ANO10: variants seen among roughly 807,000 people sequenced by gnomAD.
ANO10 encodes the protein anoctamin 10.
In ANO10, 77 loss-of-function variants were observed where a neutral mutation model predicts 74.7. The ratio of observed to expected loss-of-function variants is 1.03; its 90% CI spans 0.86 to 1.25. The LOEUF (loss-of-function observed/expected upper bound fraction) is 1.25, where lower values mean the gene tolerates loss of function less well. Among genes scored for constraint, ANO10 ranks in the 50% most tolerant of loss-of-function variants. ANO10 has a pLI of 0.00. For missense variants in ANO10, 721 were observed against 778.1 expected, an observed-to-expected ratio of 0.93 and a Z score of 0.87; for synonymous variants, 279 against 284.9, an observed-to-expected ratio of 0.98 and a Z score of 0.21.
intron 12 of ANO10, among the ~76,000 whole-genome samples, chr3:43,408,717 T>C (rs1225931308): frequency 6.6e-6 from 1 of 152,274 alleles, no homozygotes; most frequent in South Asian, 2.1e-4. Flanking sequence ...GATTCGAGGA[T>C]AGAACACTAC....
rs2076226812 is a variant in ANO10 at position 43,480,531 on chromosome 3, C to T, written c.1798-47804G>A. Among the ~76,000 whole-genome samples the T allele has an allele frequency of 2.0e-5, 3 of 152,156 alleles. No individual in the cohort carries two copies. The South Asian group carries it at 6.2e-4, about 32-fold the overall frequency. ...GTTAGAGGCAATGGGTAATGTCTTC[C>T]AAATTTGGAGGGCAGATGGGCATAA... On this transcript the variant is annotated intron_variant, in intron 11 of 12. Coordinates refer to ENST00000292246, the MANE Select transcript of ANO10 (RefSeq NM_018075.5).
At chr3:43,417,656 T>C (rs1454093230) in intron 12 of ANO10, among the ~76,000 whole-genome samples, 1 of 152,218 alleles carries the variant, frequency 6.6e-6, no homozygotes, top group African/African-American at 2.4e-5. Flanking sequence ...CCACACAATG[T>C]AGCTGCTTCA....
chr3:43,391,600 G>A (rs2092276265), intron 12 of ANO10, among the ~76,000 whole-genome samples: 1 of 152,196 alleles, frequency 6.6e-6, no homozygotes, highest in Non-Finnish European at 1.5e-5. Flanking sequence ...AAAAGCGACA[G>A]GCTCACTTCT....
rs147278198 is a variant in ANO10 at position 43,475,313 on chromosome 3, C to G, written c.1798-42586G>C. ...AAGAACCTGTGAATTTTTTTTCTTA[C>G]AGTTTCTCTCTTTGGTGTCATTCTT... On this transcript the variant is annotated intron_variant, in intron 11 of 12. Coordinates refer to ENST00000292246, the MANE Select transcript of ANO10 (RefSeq NM_018075.5). Among the ~76,000 whole-genome samples, 121 of 152,236 alleles carry G rather than the reference C, an allele frequency of 7.9e-4. 1 individual carries two copies. The highest frequency in any genetic ancestry group is 2.2e-3 in the African/African-American group (93 of 41,546).
intron 12 of ANO10, among the ~76,000 whole-genome samples, chr3:43,399,237 T>C (rs1178637738): frequency 2.0e-5 from 3 of 152,264 alleles, no homozygotes; most frequent in Non-Finnish European, 4.4e-5. Context: ...TTATACAGCC[T>C]TGCCCATTCT....
At chr3:43,594,645 C>G (rs1250609236) in intron 4 of ANO10, among the ~76,000 whole-genome samples, 1 of 152,082 alleles carries the variant, frequency 6.6e-6, no homozygotes, top group African/African-American at 2.4e-5. Flanking sequence ...ACTAAATGCC[C>G]ACAAGAGAAA....
chr3:43,440,309 G>A (rs899972566), intron 11 of ANO10, among the ~76,000 whole-genome samples: 2 of 152,014 alleles, frequency 1.3e-5, no homozygotes, highest in African/African-American at 4.8e-5. Context: ...ACCTGCAGAT[G>A]TAAAGACATA....
intron 12 of ANO10, among the ~76,000 whole-genome samples, chr3:43,426,775 G>T (rs1017967294): frequency 1.3e-5 from 2 of 152,184 alleles, no homozygotes; most frequent in African/African-American, 4.8e-5. Context: ...ACAATTCTTT[G>T]TAAAGGTTTC....
chr3:43,483,292 T>A (rs1007260921), intron 11 of ANO10, among the ~76,000 whole-genome samples: 3 of 152,256 alleles, frequency 2.0e-5, no homozygotes, highest in African/African-American at 7.2e-5. Flanking sequence ...ATAAGTTTAG[T>A]AATGGGACAT....
intron 11 of ANO10, among the ~76,000 whole-genome samples, chr3:43,508,449 T>A (rs1438029427): frequency 1.3e-5 from 2 of 152,194 alleles, no homozygotes; most frequent in Non-Finnish European, 1.5e-5. Context: ...ACTGGGCATA[T>A]ACCCAAAGGA....
chr3:43,530,230 C>T (rs1032857095), intron 11 of ANO10, among the ~76,000 whole-genome samples: 1 of 151,932 alleles, frequency 6.6e-6, no homozygotes, highest in Admixed American at 6.6e-5. Context: ...CACCAAATAA[C>T]ACAGTAACTA....
chr3:43,544,418 T>C (rs930314444), intron 11 of ANO10, among the ~76,000 whole-genome samples: 2 of 151,832 alleles, frequency 1.3e-5, no homozygotes, highest in Admixed American at 6.6e-5. Context: ...TTGTGACAAA[T>C]GACACAGTTC....
intron 4 of ANO10, among the ~76,000 whole-genome samples, chr3:43,580,839 T>C (rs1368765274): frequency 1.3e-5 from 2 of 152,180 alleles, no homozygotes; most frequent in Non-Finnish European, 2.9e-5. Context: ...AAAATCATTT[T>C]ATACACACTA....
chr3:43,598,560 C>T lies in ANO10; in HGVS notation c.444G>A (p.Gln148=). 1 of 1,613,098 alleles carries T rather than the reference C, an allele frequency of 6.2e-7. No homozygotes were observed. Among genetic ancestry groups the T allele is most frequent in the African/African-American group, 1.3e-5 (1 of 75,002 alleles). ...KDEKMIPGYP[Q]AKLYPGKSLL... ...ATGATTTTCCTGGATACAACTTTGC[C>T]TGAGGGTAACCAGGGATCATTTTTT... is the stretch of plus-strand genomic sequence containing the variant. The change falls in exon 4 of 13, where the codon CAG becomes CAA. Residue 148 remains glutamine (Q), a synonymous_variant. Coordinates refer to ENST00000292246, the MANE Select transcript of ANO10 (RefSeq NM_018075.5).
intron 1 of ANO10, among the ~76,000 whole-genome samples, chr3:43,618,941 A>G (rs927956727): frequency 9.9e-5 from 15 of 152,070 alleles, no homozygotes; most frequent in African/African-American, 3.4e-4. Context: ...AGCTGGAACT[A>G]CAGGCATCCG....
chr3:43,432,804 A>C (rs1350645342), intron 11 of ANO10, 77 bp from the exon 12 acceptor site: 1 of 970,986 alleles, frequency 1.0e-6, no homozygotes, highest in Admixed American at 1.7e-5. Context: ...TATCTAAGCA[A>C]TCTAGGATTA....
intron 11 of ANO10, among the ~76,000 whole-genome samples, chr3:43,549,326 AT>A (rs949110273): frequency 6.6e-6 from 1 of 151,996 alleles, no homozygotes; most frequent in Non-Finnish European, 1.5e-5. Flanking sequence ...TAATTTTTAA[AT>A]TTTTTGTGGA....
chr3:43,624,346 T>A (rs954358446), upstream of ANO10, among the ~76,000 whole-genome samples: 1 of 152,210 alleles, frequency 6.6e-6, no homozygotes, highest in African/African-American at 2.4e-5. Context: ...TTAAATCTCA[T>A]GCTGAATTGT....
intron 11 of ANO10, among the ~76,000 whole-genome samples, chr3:43,494,771 T>C (rs1011097376): frequency 2.0e-5 from 3 of 152,132 alleles, no homozygotes; most frequent in Non-Finnish European, 4.4e-5. Flanking sequence ...GAAGGATATG[T>C]AATAAGTCAT....
Sources: allele counts gnomAD v4.1 joint callset (sites outside exome capture counted in the v4.1 genomes callset), GRCh38; gene constraint gnomAD v4.1.1; transcripts MANE v1.5; gene names NCBI Gene and HGNC (gene_info 2026-07-23, HGNC 2026-07-21).